Variants in ABCB1 observed in about 807,000 individuals in gnomAD.
ABCB1 encodes ATP-dependent translocase ABCB1.
In ABCB1, 69 loss-of-function variants were observed where a neutral mutation model predicts 142.0. That is an observed-to-expected ratio of 0.49 (90% CI 0.40 to 0.59). The LOEUF (loss-of-function observed/expected upper bound fraction) is 0.59. Ranked by LOEUF, ABCB1 falls within the 20% of genes least tolerant of loss-of-function variation. The pLI, the probability that ABCB1 is intolerant of heterozygous loss-of-function variation, is 0.00. For synonymous variants in ABCB1, 532 were observed against 539.2 expected (o/e 0.99, Z 0.18); for missense variants, 1,326 against 1,554.7 (o/e 0.85, Z 2.47).
intron 18 of ABCB1, among the ~76,000 whole-genome samples, 162 bp from the exon 19 acceptor site, chr7:87,539,507 C>T (rs918744006): frequency 2.0e-5 from 3 of 152,144 alleles, no homozygotes; most frequent in Admixed American, 6.5e-5. Context: ...CAAGGCTGTA[C>T]GGGTGGTGTA....
intron 1 of ABCB1, among the ~76,000 whole-genome samples, chr7:87,708,025 G>T (rs1829761877): frequency 6.6e-6 from 1 of 151,992 alleles, no homozygotes; most frequent in African/African-American, 2.4e-5. Flanking sequence ...TAGAGGAATA[G>T]GCTTAAATAG....
At chr7:87,597,962 C>G (rs563052288) in intron 2 of ABCB1, among the ~76,000 whole-genome samples, 62 of 152,096 alleles carry the variant, frequency 4.1e-4, no homozygotes, top group African/African-American at 1.4e-3. Flanking sequence ...TAGAAGTCCT[C>G]CTTTTATTTT....
At chr7:87,573,790 T>C (rs2129858284) in intron 4 of ABCB1, among the ~76,000 whole-genome samples, 1 of 152,272 alleles carries the variant, frequency 6.6e-6, no homozygotes, top group Non-Finnish European at 1.5e-5. Context: ...TATCTCCTCA[T>C]TTCAGTAGCT....
intron 1 of ABCB1, chr7:87,627,613 G>C (rs1018436607): frequency 1.3e-5 from 2 of 152,278 alleles, no homozygotes; most frequent in Non-Finnish European, 2.9e-5. Flanking sequence ...CAGGTAAAAC[G>C]GTGGGTAGTG....
intron 23 of ABCB1, chr7:87,519,064 C>T (rs959060050): frequency 2.1e-5 from 11 of 516,762 alleles, no homozygotes; most frequent in African/African-American, 1.7e-4. Flanking sequence ...TCAAAATCTC[C>T]GAATGGAATC....
intron 2 of ABCB1, among the ~76,000 whole-genome samples, chr7:87,599,700 G>A (rs539878014): frequency 9.0e-4 from 137 of 152,324 alleles, no homozygotes; most frequent in African/African-American, 3.2e-3. Flanking sequence ...TAGCAGACGA[G>A]GGTGACTACA....
chr7:87,561,900 C>T (rs892068542), intron 7 of ABCB1, among the ~76,000 whole-genome samples: 1 of 152,080 alleles, frequency 6.6e-6, no homozygotes, highest in Non-Finnish European at 1.5e-5. Context: ...GTGGGAGGAT[C>T]GTTTGAGCCT....
intron 3 of ABCB1, among the ~76,000 whole-genome samples, chr7:87,594,028 C>A (rs1398674542): frequency 2.6e-5 from 4 of 152,162 alleles, no homozygotes; most frequent in African/African-American, 9.7e-5. Flanking sequence ...TATTAATAAG[C>A]AATGCCAGTG....
intron 5 of ABCB1, 64 bp downstream of exon 5, chr7:87,570,108 A>T: frequency 6.8e-7 from 1 of 1,467,640 alleles, no homozygotes; most frequent in Non-Finnish European, 9.5e-7. Context: ...GCAAAGTTTT[A>T]AACATTTCTA....
At chr7:87,531,018 A>G (rs1816033674) in intron 21 of ABCB1, among the ~76,000 whole-genome samples, 1 of 152,090 alleles carries the variant, frequency 6.6e-6, no homozygotes, top group South Asian at 2.1e-4. Context: ...TAACTAAGGG[A>G]AGGAGGAAAG....
chr7:87,521,817 T>A, intron 21 of ABCB1: 1 of 777,682 alleles, frequency 1.3e-6, no homozygotes, highest in East Asian at 2.4e-5. Flanking sequence ...CTGAAGAACA[T>A]CACCTAGGAG....
intron 25 of ABCB1, among the ~76,000 whole-genome samples, chr7:87,513,116 A>G (rs927918360): frequency 6.6e-6 from 1 of 152,216 alleles, no homozygotes; most frequent in Non-Finnish European, 1.5e-5. Flanking sequence ...TTTCTGCAAC[A>G]GCCAGATTCT....
chr7:87,531,703 T>C (rs763155449), intron 20 of ABCB1: 90 of 566,016 alleles, frequency 1.6e-4, no homozygotes, highest in South Asian at 1.1e-3. Flanking sequence ...ATATCAACAA[T>C]CTAGAGTTCA....
chr7:87,574,162 G>C (rs1818179904), intron 4 of ABCB1, among the ~76,000 whole-genome samples: 1 of 152,132 alleles, frequency 6.6e-6, no homozygotes, highest in South Asian at 2.1e-4. Flanking sequence ...TGAGTTGAAG[G>C]GACGGCTTTA....
At chr7:87,544,520 C>T (rs1816687071) in intron 16 of ABCB1, among the ~76,000 whole-genome samples, 1 of 152,126 alleles carries the variant, frequency 6.6e-6, no homozygotes, top group African/African-American at 2.4e-5. Context: ...CAAACACTTA[C>T]TTTTATTTGG....
chr7:87,540,262 C>T (rs1161256911), intron 18 of ABCB1, among the ~76,000 whole-genome samples: 2 of 152,186 alleles, frequency 1.3e-5, no homozygotes, highest in Non-Finnish European at 2.9e-5. Context: ...GGCCTGAGCA[C>T]TTGGTCACAT....
intron 1 of ABCB1, among the ~76,000 whole-genome samples, chr7:87,622,145 A>G (rs1820246826): frequency 6.6e-6 from 1 of 152,182 alleles, no homozygotes; most frequent in Non-Finnish European, 1.5e-5. Context: ...AATTTTTTAA[A>G]CATCTCTTTA....
intron 4 of ABCB1, among the ~76,000 whole-genome samples, chr7:87,573,680 A>C (rs1212376113): frequency 1.3e-5 from 2 of 152,192 alleles, no homozygotes; most frequent in African/African-American, 4.8e-5. Flanking sequence ...ATGATACATC[A>C]TATTAGTTCT....
intron 1 of ABCB1, among the ~76,000 whole-genome samples, chr7:87,711,663 T>G (rs1392623233): frequency 1.3e-5 from 2 of 152,144 alleles, no homozygotes; most frequent in African/African-American, 2.4e-5. Flanking sequence ...ACACATGCCA[T>G]GTATAAATTT....
Sources: gnomAD v4.1 joint callset for allele counts (sites outside exome capture counted in the v4.1 genomes callset) on GRCh38, gnomAD v4.1.1 for gene constraint, MANE v1.5 for transcripts, NCBI Gene and HGNC (gene_info 2026-07-23, HGNC 2026-07-21) for gene names.